Variants in ZDHHC20 observed in about 807,000 individuals in gnomAD.
ZDHHC20 encodes palmitoyltransferase ZDHHC20.
Under a neutral mutation model 57.8 loss-of-function variants are expected in ZDHHC20, and 43 were observed. The ratio of observed to expected loss-of-function variants is 0.74; its 90% CI spans 0.58 to 0.96. The LOEUF (loss-of-function observed/expected upper bound fraction) is 0.96, where lower values mean the gene tolerates loss of function less well. ZDHHC20 is among the 40% of genes least tolerant of loss of function. The pLI, the probability that ZDHHC20 is intolerant of heterozygous loss-of-function variation, is 0.00. For synonymous variants in ZDHHC20, 157 were observed against 153.0 expected, an observed-to-expected ratio of 1.03 and a Z score of -0.19; for missense variants, 391 against 441.1, an observed-to-expected ratio of 0.89 and a Z score of 1.02.
At chr13:21,455,561 C>A (rs190265498) in intron 1 of ZDHHC20, among the ~76,000 whole-genome samples, 1 of 152,180 alleles carries the variant, frequency 6.6e-6, no homozygotes, top group East Asian at 1.9e-4. Context: ...GCTTATCACT[C>A]CTGTGAGATG....
At chr13:21,422,262 GAAAA>G (rs1156570400) in intron 2 of ZDHHC20, among the ~76,000 whole-genome samples, 1 of 138,194 alleles carries the variant, frequency 7.2e-6, no homozygotes, top group Non-Finnish European at 1.6e-5. Context: ...GGTCTGCGCT[GAAAA>G]AAAAAAAAGA....
chr13:21,374,103 T>C lies in ZDHHC20; in HGVS notation c.*2593A>G, dbSNP rs1206258533. 5 of 158,998 alleles carry C rather than the reference T, an allele frequency of 3.1e-5. 1 individual carries two copies. The South Asian group carries it at 5.6e-4, about 18-fold the overall frequency. The allele number at this position is 158,998 out of a possible 1,614,324, so 9.8% of individuals were successfully genotyped here. A position where few individuals can be genotyped will look rare whatever the true frequency, so the allele number is the denominator to read the frequency against. On this transcript the variant is annotated 3_prime_UTR_variant, in exon 13 of 13. Transcript: ENST00000400590. ...CCAGGTGCATGCAAATCTTTTTATC[T>C]GAATGTAGAAATGCAAAAAGTACCA...
At chr13:21,447,357 G>A (rs1291242566) in intron 1 of ZDHHC20, among the ~76,000 whole-genome samples, 3 of 150,128 alleles carry the variant, frequency 2.0e-5, no homozygotes, top group Non-Finnish European at 4.4e-5. Flanking sequence ...AAGCTGGACT[G>A]TACCGCTGCC....
chr13:21,385,070 TAG>T (rs1334783740), intron 9 of ZDHHC20, among the ~76,000 whole-genome samples: 5 of 151,446 alleles, frequency 3.3e-5, no homozygotes, highest in Non-Finnish European at 7.4e-5. Context: ...AAAGGAAAAA[TAG>T]ATACAATTAA....
Position 21,382,993 on chromosome 13 carries a change from T to C in ZDHHC20, c.871A>G (p.Ser291Gly). ...ATCCCCACAAGGCGAGTTGGAAAAC[T>C]GCAACCATCACCCAAGCTGCATAAT... is the stretch of plus-strand genomic sequence containing the variant. ...PIFSSLGDGCSFPTRLVGMDP... is the reference protein window; with the variant it reads ...PIFSSLGDGCGFPTRLVGMDP... The change falls in exon 10 of 13, where the codon AGT becomes GGT. Residue 291 changes from serine (S) to glycine (G), a missense_variant. By Grantham distance (56) the Ser-to-Gly change is moderately conservative (BLOSUM62 0). Around this residue, in one of 3 missense-constraint regions of ZDHHC20, gnomAD observed 197 missense variants for 220.8 expected, o/e 0.89. Coordinates refer to ENST00000400590, the MANE Select transcript of ZDHHC20 (RefSeq NM_001330059.2). 6.4e-7 allele frequency: 1 copy of C among 1,560,116 alleles called. No homozygotes were observed. Among genetic ancestry groups the C allele is most frequent in the Non-Finnish European group, 8.7e-7 (1 of 1,151,096 alleles).
intron 2 of ZDHHC20, among the ~76,000 whole-genome samples, chr13:21,422,640 GTTAT>G (rs1880774199): frequency 1.3e-5 from 2 of 151,686 alleles, no homozygotes; most frequent in South Asian, 4.2e-4. Flanking sequence ...TATTATTTTC[GTTAT>G]TTTTCAATAA....
At chr13:21,395,736 G>A (rs569607171) in intron 7 of ZDHHC20, among the ~76,000 whole-genome samples, 4 of 151,686 alleles carry the variant, frequency 2.6e-5, no homozygotes, top group Non-Finnish European at 4.4e-5. Flanking sequence ...TCCTGACCTC[G>A]TGATCCGCTC....
intron 3 of ZDHHC20, among the ~76,000 whole-genome samples, chr13:21,417,653 G>C (rs1162476665): frequency 6.6e-6 from 1 of 152,044 alleles, no homozygotes; most frequent in Non-Finnish European, 1.5e-5. Context: ...TGGTCAGGCT[G>C]GTCTCGAACT....
intron 8 of ZDHHC20, among the ~76,000 whole-genome samples, chr13:21,389,628 A>G (rs1875277842): frequency 6.6e-6 from 1 of 152,184 alleles, no homozygotes; most frequent in South Asian, 2.1e-4. Flanking sequence ...AGAAATGCCA[A>G]TCTCTCACAT....
intron 8 of ZDHHC20, among the ~76,000 whole-genome samples, chr13:21,389,867 T>C (rs981938264): frequency 3.3e-5 from 5 of 152,238 alleles, no homozygotes; most frequent in African/African-American, 1.2e-4. Context: ...TAGATTTTAT[T>C]GGTTGGGGAG....
At chr13:21,447,751 G>A (rs1311139461) in intron 1 of ZDHHC20, among the ~76,000 whole-genome samples, 2 of 90,866 alleles carry the variant, frequency 2.2e-5, no homozygotes, top group East Asian at 2.3e-4. Flanking sequence ...CCATCGTCTG[G>A]GATGTGAGGA....
intron 1 of ZDHHC20, among the ~76,000 whole-genome samples, chr13:21,458,625 T>G (rs982390843): frequency 6.6e-6 from 1 of 152,050 alleles, no homozygotes; most frequent in Non-Finnish European, 1.5e-5. Flanking sequence ...CTCGCGCAGT[T>G]TGAACAAAAA....
intron 1 of ZDHHC20, among the ~76,000 whole-genome samples, chr13:21,425,927 T>C (rs1204986550): frequency 1.3e-5 from 2 of 152,166 alleles, no homozygotes; most frequent in Admixed American, 6.5e-5. Flanking sequence ...TAATTTTAAG[T>C]GTATCAACAT....
At chr13:21,417,095 A>G (rs558627192) in intron 3 of ZDHHC20, among the ~76,000 whole-genome samples, 1 of 152,296 alleles carries the variant, frequency 6.6e-6, no homozygotes, top group East Asian at 1.9e-4. Context: ...AATAAACAAC[A>G]AAGATTTTTC....
intron 9 of ZDHHC20, among the ~76,000 whole-genome samples, chr13:21,385,859 G>A (rs533310955): frequency 6.6e-6 from 1 of 152,212 alleles, no homozygotes; most frequent in Admixed American, 6.5e-5. Flanking sequence ...AGCTACAGGA[G>A]GGGAAAGGAT....
At chr13:21,401,191 A>C (rs1877574276) in intron 6 of ZDHHC20, among the ~76,000 whole-genome samples, 1 of 151,960 alleles carries the variant, frequency 6.6e-6, no homozygotes, top group South Asian at 2.1e-4. Flanking sequence ...AGGTGGAAGA[A>C]TCACCTGAGC....
chr13:21,450,130 G>A (rs1376387536), intron 1 of ZDHHC20, among the ~76,000 whole-genome samples: 1 of 151,948 alleles, frequency 6.6e-6, no homozygotes, highest in Admixed American at 6.6e-5. Flanking sequence ...GTCATTTACT[G>A]AGCTATTAGG....
Position 21,454,838 on chromosome 13 carries a change from T to C in ZDHHC20, c.118+4216A>G, listed in dbSNP as rs116426771. Among the ~76,000 whole-genome samples, 1,283 of 152,304 alleles carry C rather than the reference T, an allele frequency of 8.4e-3. 14 individuals are homozygous for C. Among genetic ancestry groups the C allele is most frequent in the African/African-American group, 0.029 (1,210 of 41,568 alleles). ...TACAGACTCAAAGGTTAGAGTCCAC[T>C]CCACAAATTTGTCTGAAAAAAATAT... On this transcript the variant is annotated intron_variant, in intron 1 of 12. Coordinates refer to ENST00000400590, the MANE Select transcript of ZDHHC20 (RefSeq NM_001330059.2).
chr13:21,454,250 C>G (rs1432373020), intron 1 of ZDHHC20, among the ~76,000 whole-genome samples: 28 of 152,128 alleles, frequency 1.8e-4, no homozygotes, highest in Non-Finnish European at 7.4e-5. Context: ...TGCTTGAACC[C>G]AGGAGGAGGA....
Sources: gnomAD v4.1 joint callset for allele counts (sites outside exome capture counted in the v4.1 genomes callset) on GRCh38, gnomAD v4.1.1 for gene constraint, gnomAD v4.1.1 regional missense constraint, MANE v1.5 for transcripts, NCBI Gene and HGNC (gene_info 2026-07-23, HGNC 2026-07-21) for gene names.